TTLL7: variants seen among roughly 807,000 people sequenced by gnomAD.
The protein encoded by TTLL7 is tubulin polyglutamylase TTLL7.
TTLL7 carries 53 observed loss-of-function variants against 120.2 expected under a neutral mutation model. The ratio of observed to expected loss-of-function variants is 0.44; its 90% CI spans 0.35 to 0.55. The LOEUF (loss-of-function observed/expected upper bound fraction) is 0.55, where lower values mean the gene tolerates loss of function less well. Among genes scored for constraint, TTLL7 ranks in the 20% least tolerant of loss-of-function variants. TTLL7 has a pLI of 0.00. For synonymous variants in TTLL7, 353 were observed against 351.7 expected (o/e 1.00, Z -0.04); for missense variants, 803 against 1,054.7 (o/e 0.76, Z 3.31).
intron 8 of TTLL7, 126 bp downstream of exon 8, chr1:83,937,726 C>T: frequency 1.9e-6 from 2 of 1,050,168 alleles, no homozygotes; most frequent in Non-Finnish European, 1.4e-6. Context: ...TGATTTTTTT[C>T]TCTCTGGTCC....
intron 1 of TTLL7, among the ~76,000 whole-genome samples, chr1:83,956,091 T>C (rs1649484064): frequency 6.6e-6 from 1 of 152,110 alleles, no homozygotes; most frequent in South Asian, 2.1e-4. Flanking sequence ...AATATATTAC[T>C]TTTCACTTTA....
At chr1:83,879,254 T>G (rs1034597317) in intron 20 of TTLL7, among the ~76,000 whole-genome samples, 4 of 151,956 alleles carry the variant, frequency 2.6e-5, no homozygotes, top group Admixed American at 1.3e-4. Flanking sequence ...TAATGTGACA[T>G]TGACTTGAGT....
rs866241939 is a variant in TTLL7 at position 83,983,385 on chromosome 1, T to C, written c.-177+15546A>G. 4.6e-5 allele frequency among the ~76,000 whole-genome samples: 7 copies of C among 151,838 alleles called. No individual in the cohort carries two copies. The South Asian group carries it at 1.4e-3, about 31-fold the overall frequency. On this transcript the variant is annotated intron_variant, in intron 1 of 20. Coordinates refer to ENST00000260505, the MANE Select transcript of TTLL7 (RefSeq NM_024686.6). Reference sequence around the variant, plus strand: ...AGAAAAAGACTGTCTATTCAATAAATGACACTGGAATAACTGGCTAGCCAC... The same window carrying C: ...AGAAAAAGACTGTCTATTCAATAAACGACACTGGAATAACTGGCTAGCCAC...
chr1:83,967,737 G>A (rs1253817556), intron 1 of TTLL7, among the ~76,000 whole-genome samples: 1 of 151,948 alleles, frequency 6.6e-6, no homozygotes, highest in African/African-American at 2.4e-5. Flanking sequence ...AATCTAGATA[G>A]GTTTTCTAAC....
chr1:83,985,074 G>A (rs1359523147), intron 1 of TTLL7, among the ~76,000 whole-genome samples: 1 of 152,198 alleles, frequency 6.6e-6, no homozygotes, highest in African/African-American at 2.4e-5. Flanking sequence ...AGTTTATTAG[G>A]GAGAATTGGC....
intron 20 of TTLL7, among the ~76,000 whole-genome samples, chr1:83,875,833 G>A (rs1256178703): frequency 6.6e-6 from 1 of 151,776 alleles, no homozygotes; most frequent in Non-Finnish European, 1.5e-5. Flanking sequence ...AATCTTGTAA[G>A]AATTTTTTAC....
At chr1:83,876,849 C>G (rs938983685) in intron 20 of TTLL7, among the ~76,000 whole-genome samples, 1 of 151,878 alleles carries the variant, frequency 6.6e-6, no homozygotes, top group Non-Finnish European at 1.5e-5. Context: ...ACAATCATAT[C>G]CACTTACTGA....
At chr1:83,987,058 T>C (rs2100630719) in intron 1 of TTLL7, among the ~76,000 whole-genome samples, 1 of 152,158 alleles carries the variant, frequency 6.6e-6, no homozygotes, top group African/African-American at 2.4e-5. Flanking sequence ...AAAAATCAAT[T>C]GCATTTCTAT....
At chr1:83,965,442 T>C (rs1038207967) in intron 1 of TTLL7, among the ~76,000 whole-genome samples, 70 of 152,228 alleles carry the variant, frequency 4.6e-4, no homozygotes, top group African/African-American at 1.5e-3. Context: ...ATTGCAAGTT[T>C]CCCGAGGCCT....
In TTLL7 at chr1:83,951,893, T is replaced by C. The variant is rs1203872947; in HGVS notation, c.109A>G (p.Lys37Glu). 6.2e-7 allele frequency: 1 copy of C among 1,613,646 alleles called. No individual in the cohort carries two copies. The highest frequency in any genetic ancestry group is 1.1e-5 in the South Asian group (1 of 90,924). The change falls in exon 3 of 21, where the codon AAG (lysine) becomes GAG (glutamate). Residue 37 changes from lysine to glutamate, a missense_variant. Lys to Glu is a moderately conservative substitution (Grantham distance 56, BLOSUM62 1). Transcript: ENST00000260505. Reference sequence around the variant, plus strand: ...ACATTTGCTGTAATGGTTCCCTTCTTTTTCTTCTTTCTGACTTTCCTTTTC... The same window carrying C: ...ACATTTGCTGTAATGGTTCCCTTCTCTTTCTTCTTTCTGACTTTCCTTTTC... ...TMKRKVRKKK[K>E]KGTITANVAG... is the part of the protein sequence containing the mutation.
intron 19 of TTLL7, among the ~76,000 whole-genome samples, chr1:83,886,597 C>T (rs1189467740): frequency 6.6e-6 from 1 of 151,956 alleles, no homozygotes; most frequent in Non-Finnish European, 1.5e-5. Context: ...TCTTCTTGCC[C>T]TAAGATTCTA....
chr1:83,904,708 G>A (rs1657034858), intron 17 of TTLL7, among the ~76,000 whole-genome samples: 1 of 152,046 alleles, frequency 6.6e-6, no homozygotes, highest in Non-Finnish European at 1.5e-5. Flanking sequence ...AGAAATCCAA[G>A]AAATAGATTT....
intron 4 of TTLL7, chr1:83,949,404 G>C (rs1336405323): frequency 6.5e-6 from 1 of 154,934 alleles, no homozygotes; most frequent in Non-Finnish European, 1.4e-5. Flanking sequence ...TCAGCTCACT[G>C]TAGCCTCCAC....
In TTLL7 at chr1:83,937,955, C is replaced by T; in HGVS notation, c.785G>A (p.Arg262Gln). 2 of 1,613,976 alleles carry T rather than the reference C, an allele frequency of 1.2e-6. No individual in the cohort carries two copies. Among genetic ancestry groups the T allele is most frequent in the Non-Finnish European group, 1.7e-6 (2 of 1,179,952 alleles). ...SVNKHNEHFE[R>Q]DETENKGSKR... is the part of the protein sequence containing the mutation. ...GCTGCCTTTGTTCTCAGTTTCATCCCGTTCAAAATGCTCATTATGCTTGTT... is the reference window on the plus strand; with the variant it reads ...GCTGCCTTTGTTCTCAGTTTCATCCTGTTCAAAATGCTCATTATGCTTGTT... Residue 262 changes from arginine (R) to glutamine (Q), a missense_variant, in exon 8 of 21, where the codon CGG becomes CAG. Transcript: ENST00000260505.
chr1:83,983,299 C>A (rs1392927701), intron 1 of TTLL7, among the ~76,000 whole-genome samples: 2 of 152,074 alleles, frequency 1.3e-5, no homozygotes, highest in South Asian at 4.2e-4. Context: ...CCACTGCACT[C>A]CAGACTGGTG....
At chr1:83,881,788 C>T (rs1343952617) in intron 20 of TTLL7, among the ~76,000 whole-genome samples, 3 of 150,114 alleles carry the variant, frequency 2.0e-5, no homozygotes, top group Non-Finnish European at 4.4e-5. Flanking sequence ...CACATGCACA[C>T]GTATGTTTAT....
intron 18 of TTLL7, among the ~76,000 whole-genome samples, chr1:83,892,227 T>C (rs1464913683): frequency 2.9e-5 from 4 of 139,540 alleles, no homozygotes; most frequent in South Asian, 2.2e-4. Flanking sequence ...AATATATATG[T>C]GTATATATAT....
intron 7 of TTLL7, among the ~76,000 whole-genome samples, chr1:83,939,916 CTT>C (rs979738465): frequency 2.0e-5 from 3 of 152,094 alleles, no homozygotes; most frequent in African/African-American, 7.2e-5. Flanking sequence ...TTCTTCCAGT[CTT>C]TTTTCTAAAC....
chr1:83,939,642 TAATA>T (rs1284560062), intron 7 of TTLL7, among the ~76,000 whole-genome samples: 1 of 152,166 alleles, frequency 6.6e-6, no homozygotes, highest in African/African-American at 2.4e-5. Flanking sequence ...AGGCTTGATA[TAATA>T]AATTGGTGTA....
Sources: gnomAD v4.1 joint callset for allele counts (sites outside exome capture counted in the v4.1 genomes callset) on GRCh38, gnomAD v4.1.1 for gene constraint, MANE v1.5 for transcripts, NCBI Gene and HGNC (gene_info 2026-07-23, HGNC 2026-07-21) for gene names.